The following MYH7B variants were observed in gnomAD, a reference collection of about 807,000 sequenced individuals.
MYH7B encodes the protein myosin-7B.
Under a neutral mutation model 234.5 loss-of-function variants are expected in MYH7B, and 205 were observed. The ratio of observed to expected loss-of-function variants is 0.87; its 90% confidence interval spans 0.78 to 0.98. The LOEUF (loss-of-function observed/expected upper bound fraction) is 0.98. Ranked by LOEUF, MYH7B falls within the 50% of genes least tolerant of loss-of-function variation. The pLI is 0.00. For synonymous variants in MYH7B, 1,193 were observed against 1,105.0 expected (o/e 1.08, Z -1.58); for missense variants, 2,652 against 2,633.4 (o/e 1.01, Z -0.15).
chr20:34,974,440 G>T (rs2081826701), intron 2 of MYH7B, among the ~76,000 whole-genome samples: 1 of 152,068 alleles, frequency 6.6e-6, no homozygotes, highest in Non-Finnish European at 1.5e-5. Context: ...TTTCCTCTTT[G>T]CGTTGTCATG....
exon 41 of MYH7B, chr20:35,001,152 G>T: frequency 6.2e-7 from 1 of 1,613,710 alleles, no homozygotes; most frequent in Non-Finnish European, 8.5e-7. Flanking sequence ...AGAAGCTGGA[G>T]GCCAAGGTGT....
At chr20:34,967,561 C>G (rs1055490458) in intron 2 of MYH7B, among the ~76,000 whole-genome samples, 3 of 152,112 alleles carry the variant, frequency 2.0e-5, no homozygotes, top group Non-Finnish European at 2.9e-5. Context: ...TACAGCACCC[C>G]CCGCCCTCCA....
At chr20:35,000,409 A>G (rs2082347255) in exon 39 of MYH7B, 3 of 1,600,830 alleles carry the variant, frequency 1.9e-6, no homozygotes, top group Non-Finnish European at 1.7e-6. Flanking sequence ...AACGACCTGG[A>G]GCTGCAGCTG....
In MYH7B at chr20:34,990,132, C is replaced by T. The variant is rs764731014; in HGVS notation, c.1886C>T (p.Ala629Val). Residue 629 changes from alanine (A) to valine (V), a missense_variant, in exon 21 of 45, where the codon GCG becomes GTG. By Grantham distance (64) the Ala-to-Val change is moderately conservative. Around this residue, in one of 3 missense-constraint regions of MYH7B, gnomAD observed 2,279 missense variants for 2,211.4 expected, o/e 1.03. Coordinates refer to ENST00000262873, the Ensembl canonical transcript of MYH7B. ...CTGGCGACTCTCTATGAGAATTATG[C>T]GGGCTCCTGCTCCAGTGAGTATGGA... The T allele has an allele frequency of 1.7e-5, 28 of 1,614,010 alleles. No homozygotes were observed. The Admixed American group carries it at 2.2e-4, about 12-fold the overall frequency.
At chr20:34,962,973 C>T (rs1356288102) in intron 2 of MYH7B, among the ~76,000 whole-genome samples, 1 of 152,212 alleles carries the variant, frequency 6.6e-6, no homozygotes, top group Admixed American at 6.5e-5. Context: ...TGGCGCACAC[C>T]TGTAGTCCCA....
chr20:34,978,125 T>C (rs2147168895), intron 5 of MYH7B, 29 bp downstream of exon 5: 2 of 1,612,968 alleles, frequency 1.2e-6, no homozygotes, highest in African/African-American at 1.3e-5. Context: ...GGAGGGGTCA[T>C]AGCCACAGAG....
Position 34,994,175 on chromosome 20 carries a change from TC to T in MYH7B, c.2476del (p.Arg826ValfsTer12). The T allele has an allele frequency of 1.2e-6, 2 of 1,613,414 alleles. No individual in the cohort carries two copies. Among genetic ancestry groups the T allele is most frequent in the South Asian group, 2.2e-5 (2 of 91,080 alleles). On this transcript the variant is annotated frameshift_variant, in exon 27 of 45. Coordinates refer to ENST00000262873, the Ensembl canonical transcript of MYH7B. LOFTEE classifies it high-confidence loss of function. ...GCGCTGTTCACCATCCAGTGGAACA[TC>T]CGTGCCTTCAATGCCGTCAAGAACT...
At chr20:34,997,498 A>G in exon 32 of MYH7B, 2 of 1,573,140 alleles carry the variant, frequency 1.3e-6, no homozygotes, top group South Asian at 2.3e-5. Flanking sequence ...CTGCGGCGCA[A>G]GCAGGCGGAG....
At chr20:35,001,509 C>A in exon 43 of MYH7B, 1 of 1,609,086 alleles carries the variant, frequency 6.2e-7, no homozygotes, top group Non-Finnish European at 8.5e-7. Context: ...GAGCTACAAG[C>A]GCCAGTTTGA....
Position 34,994,402 on chromosome 20 carries a change from G to C in MYH7B, c.2700+1G>C, listed in dbSNP as rs749182928. 6.4e-7 allele frequency: 1 copy of C among 1,569,536 alleles called. No homozygotes were observed. Among genetic ancestry groups the C allele is most frequent in the East Asian group, 2.3e-5 (1 of 44,370 alleles). The stretch of plus-strand genomic sequence containing the variant: ...TGACCTGGCCCTGCAGCTGCAGGCT[G>C]TGAGTCAGGGTTCCCCTTGTGACCG... On this transcript the variant is annotated splice_donor_variant, in intron 27 of 44. Coordinates refer to ENST00000262873, the Ensembl canonical transcript of MYH7B. LOFTEE classifies it high-confidence loss of function.
chr20:34,983,318 GCCTTTT>G (rs1600429145), intron 10 of MYH7B, among the ~76,000 whole-genome samples: 1 of 54,542 alleles, frequency 1.8e-5, no homozygotes, highest in East Asian at 4.9e-4. Context: ...TTTTTTTTTT[GCCTTTT>G]CCTTTTTACC....
chr20:34,963,391 G>A (rs1286156657), intron 2 of MYH7B, among the ~76,000 whole-genome samples: 1 of 152,178 alleles, frequency 6.6e-6, no homozygotes, highest in Non-Finnish European at 1.5e-5. Context: ...ATCTTCTTTG[G>A]AGAAGGGTCT....
intron 36 of MYH7B, 79 bp downstream of exon 36, chr20:34,999,484 G>A: frequency 6.6e-7 from 1 of 1,525,786 alleles, no homozygotes; most frequent in South Asian, 1.3e-5. Context: ...GCCCTGGTGG[G>A]GCCACCCTGG....
chr20:34,994,440 C>A (rs753385324), intron 27 of MYH7B, 39 bp downstream of exon 27: 9 of 1,531,506 alleles, frequency 5.9e-6, no homozygotes, highest in African/African-American at 1.4e-5. Context: ...CGTCCCCAGC[C>A]CCGAGTACCC....
intron 43 of MYH7B, 56 bp from the exon 44 acceptor site, chr20:35,001,892 C>A: frequency 6.3e-7 from 1 of 1,575,670 alleles, no homozygotes; most frequent in Non-Finnish European, 8.6e-7. Context: ...GGGGCAGGGA[C>A]CAGAATAAGC....
chr20:34,973,661 A>G (rs912067950), intron 2 of MYH7B, among the ~76,000 whole-genome samples: 1 of 152,240 alleles, frequency 6.6e-6, no homozygotes, highest in Non-Finnish European at 1.5e-5. Flanking sequence ...TTTTGCATGC[A>G]TCCGCATCCT....
chr20:34,960,429 G>T (rs542619524), intron 2 of MYH7B, among the ~76,000 whole-genome samples: 2 of 152,234 alleles, frequency 1.3e-5, no homozygotes, highest in East Asian at 3.9e-4. Flanking sequence ...TAGAGATGGG[G>T]TTTCACCGTG....
chr20:34,994,828 A>G (rs919717077), intron 27 of MYH7B, among the ~76,000 whole-genome samples: 1 of 152,248 alleles, frequency 6.6e-6, no homozygotes, highest in Non-Finnish European at 1.5e-5. Context: ...TTGTGTATCA[A>G]TTGTGTGCCA....
chr20:34,987,533 C>T (rs777204036), intron 16 of MYH7B, 24 bp from the exon 17 acceptor site: 32 of 1,495,820 alleles, frequency 2.1e-5, no homozygotes, highest in Non-Finnish European at 8.9e-7. Flanking sequence ...GTCCTCCTCC[C>T]TTACCCCACT....
Sources: allele counts gnomAD v4.1 joint callset (sites outside exome capture counted in the v4.1 genomes callset), GRCh38; gene constraint gnomAD v4.1.1; regional missense constraint gnomAD v4.1.1; transcripts MANE v1.5; gene names NCBI Gene and HGNC (gene_info 2026-07-23, HGNC 2026-07-21).